ADARB2: variants seen among roughly 807,000 people sequenced by gnomAD.
ADARB2 encodes inactive double-stranded RNA-specific editase B2.
Under a neutral mutation model 62.2 loss-of-function variants are expected in ADARB2, and 25 were observed. The ratio of observed to expected loss-of-function variants is 0.40; its 90% confidence interval spans 0.29 to 0.56. The LOEUF (loss-of-function observed/expected upper bound fraction) is 0.56. Among genes scored for constraint, ADARB2 ranks in the 20% least tolerant of loss-of-function variants. The pLI is 0.43. For synonymous variants in ADARB2, 572 were observed against 500.8 expected, an observed-to-expected ratio of 1.14 and a Z score of -1.90; for missense variants, 1,071 against 1,077.4, an observed-to-expected ratio of 0.99 and a Z score of 0.08.
chr10:1,600,282 G>A (rs531021875), intron 1 of ADARB2, among the ~76,000 whole-genome samples: 1 of 152,196 alleles, frequency 6.6e-6, no homozygotes, highest in African/African-American at 2.4e-5. Flanking sequence ...AACTGGCATT[G>A]GCAATACCTT....
In ADARB2 at chr10:1,706,185, C is replaced by T. The variant is rs577350359; in HGVS notation, c.100+30866G>A. The stretch of plus-strand genomic sequence containing the variant: ...CACTTTGCTAAAACGCTAGTGTTTT[C>T]GCTCCCTACCCTGGAAGCATAGGTG... On this transcript the variant is annotated intron_variant, in intron 1 of 9. Transcript: ENST00000381312. Among the ~76,000 whole-genome samples the T allele has an allele frequency of 3.9e-4, 60 of 152,316 alleles. No homozygotes were observed. The South Asian group carries it at 5.6e-3, about 14-fold the overall frequency.
chr10:1,652,451 C>T (rs991108760), intron 1 of ADARB2, among the ~76,000 whole-genome samples: 2 of 152,210 alleles, frequency 1.3e-5, no homozygotes, highest in African/African-American at 4.8e-5. Context: ...CTTTCCAGAG[C>T]TCGGGGCTCA....
At chr10:1,277,078 A>G (rs1169565907) in intron 3 of ADARB2, among the ~76,000 whole-genome samples, 1 of 152,250 alleles carries the variant, frequency 6.6e-6, no homozygotes, top group Non-Finnish European at 1.5e-5. Context: ...GACACAACAT[A>G]CCAGAATCTC....
At chr10:1,434,791 T>C (rs1830816817) in intron 1 of ADARB2, among the ~76,000 whole-genome samples, 1 of 152,198 alleles carries the variant, frequency 6.6e-6, no homozygotes, top group Non-Finnish European at 1.5e-5. Flanking sequence ...CTTATGTCTT[T>C]AGGGGAATGA....
chr10:1,537,123 A>C (rs1409759186), intron 1 of ADARB2, among the ~76,000 whole-genome samples: 1 of 152,218 alleles, frequency 6.6e-6, no homozygotes, highest in Non-Finnish European at 1.5e-5. Context: ...CAAGAAAAAA[A>C]CAAACAACCC....
intron 1 of ADARB2, among the ~76,000 whole-genome samples, chr10:1,596,097 G>A (rs1833330890): frequency 6.6e-6 from 1 of 152,342 alleles, no homozygotes; most frequent in South Asian, 2.1e-4. Flanking sequence ...CCAGCCAGGT[G>A]CAAGAGCTGG....
chr10:1,362,635 G>A (rs575029713), intron 3 of ADARB2, among the ~76,000 whole-genome samples: 7 of 152,048 alleles, frequency 4.6e-5, no homozygotes, highest in Admixed American at 3.9e-4. Flanking sequence ...GGCCTCTCCG[G>A]CTGCTCCCAG....
intron 1 of ADARB2, among the ~76,000 whole-genome samples, chr10:1,577,997 G>A (rs1406952338): frequency 6.6e-6 from 1 of 152,224 alleles, no homozygotes; most frequent in East Asian, 1.9e-4. Context: ...AGCCAGCCCT[G>A]TGGACACGCT....
At chr10:1,604,825 A>G (rs1030880244) in intron 1 of ADARB2, among the ~76,000 whole-genome samples, 2 of 152,144 alleles carry the variant, frequency 1.3e-5, no homozygotes, top group Non-Finnish European at 2.9e-5. Context: ...GCACCCAACC[A>G]CTTCTCGTGG....
rs529090328 is a variant in ADARB2 at position 1,540,329 on chromosome 10, G to C, written c.101-161169C>G. Reference sequence around the variant, plus strand: ...GAAAATAAACTCAGTCTATGCCACCGAGGGCACGTCAGGCAACAGCCCCCG... The same window carrying C: ...GAAAATAAACTCAGTCTATGCCACCCAGGGCACGTCAGGCAACAGCCCCCG... On this transcript the variant is annotated intron_variant, in intron 1 of 9. Transcript: ENST00000381312. 4.3e-5 allele frequency among the ~76,000 whole-genome samples: 6 copies of C among 140,390 alleles called. No individual in the cohort carries two copies. The South Asian group carries it at 9.0e-4, about 21-fold the overall frequency. 92.1% of individuals were successfully genotyped at this position (140,390 alleles called of 152,430 possible).
At chr10:1,224,324 T>C (rs1257230160) in intron 6 of ADARB2, among the ~76,000 whole-genome samples, 1 of 152,184 alleles carries the variant, frequency 6.6e-6, no homozygotes, top group East Asian at 1.9e-4. Flanking sequence ...TTTTCTTCTT[T>C]ATTAGTCTTG....
chr10:1,554,665 A>G (rs1335205472), intron 1 of ADARB2, among the ~76,000 whole-genome samples: 3 of 152,076 alleles, frequency 2.0e-5, no homozygotes, highest in Non-Finnish European at 2.9e-5. Flanking sequence ...TTCAAGCAAC[A>G]TGTGTGTCCT....
rs758329800 is a variant in ADARB2, at chr10:1,704,124, G to A, written c.100+32927C>T. ...AGCCTCACTCTTGCTGTAAGACAGC[G>A]GTCCTGTCCCCAACCTTTCTGGCAC... On this transcript the variant is annotated intron_variant, in intron 1 of 9. Coordinates refer to ENST00000381312, the MANE Select transcript of ADARB2 (RefSeq NM_018702.4). This position sits in a 1 kb window ranked among gnomAD's most constrained non-coding sequence, Gnocchi z 5.6. Among the ~76,000 whole-genome samples, 3 of 152,174 alleles carry A rather than the reference G, an allele frequency of 2.0e-5. No individual in the cohort carries two copies. Among genetic ancestry groups the A allele is most frequent in the Admixed American group, 6.5e-5 (1 of 15,272 alleles).
intron 6 of ADARB2, among the ~76,000 whole-genome samples, chr10:1,233,278 C>T (rs890187278): frequency 6.6e-6 from 1 of 152,240 alleles, no homozygotes; most frequent in Non-Finnish European, 1.5e-5. Flanking sequence ...CAGGGAATCA[C>T]TCATCCCTGG....
intron 1 of ADARB2, among the ~76,000 whole-genome samples, chr10:1,481,646 C>G (rs569073140): frequency 3.3e-5 from 5 of 151,450 alleles, no homozygotes; most frequent in Admixed American, 2.0e-4. Flanking sequence ...ATCACGAGGT[C>G]AGGAGTTCAA....
chr10:1,186,075 T>C (rs1341586668), intron 8 of ADARB2, among the ~76,000 whole-genome samples: 2 of 152,138 alleles, frequency 1.3e-5, no homozygotes, highest in African/African-American at 4.8e-5. Flanking sequence ...TTCCAAAACA[T>C]GAGATTCCGG....
At chr10:1,383,863 T>C (rs1437441837) in intron 1 of ADARB2, among the ~76,000 whole-genome samples, 2 of 152,238 alleles carry the variant, frequency 1.3e-5, no homozygotes, top group African/African-American at 4.8e-5. Context: ...TCCTATCTTT[T>C]TCTGCCCGAG....
At chr10:1,662,480 A>G (rs747125115) in intron 1 of ADARB2, among the ~76,000 whole-genome samples, 9 of 152,174 alleles carry the variant, frequency 5.9e-5, no homozygotes, top group Non-Finnish European at 1.2e-4. Flanking sequence ...AGGGTTTTTC[A>G]GAGGACTCAG....
At position 1,636,668 on chromosome 10, in the gene ADARB2, T is replaced by A. The variant is rs77268656; in HGVS notation, c.100+100383A>T. On this transcript the variant is annotated intron_variant, in intron 1 of 9. Coordinates refer to ENST00000381312, the MANE Select transcript of ADARB2 (RefSeq NM_018702.4). ...TATAAATCTTGTACTTATTCAATTT[T>A]TATATATATGTAGATAGATATCTAT... 5.7e-3 allele frequency among the ~76,000 whole-genome samples: 871 copies of A among 151,546 alleles called. 8 individuals are homozygous for A. Among genetic ancestry groups the A allele is most frequent in the African/African-American group, 0.01 (423 of 41,394 alleles).
Sources: allele counts gnomAD v4.1 joint callset (sites outside exome capture counted in the v4.1 genomes callset), GRCh38; gene constraint gnomAD v4.1.1; non-coding constraint Gnocchi (gnomAD v3.1); transcripts MANE v1.5; gene names NCBI Gene and HGNC (gene_info 2026-07-23, HGNC 2026-07-21).